Variants in COPA observed in about 807,000 individuals in gnomAD.
COPA encodes coat protein complex I subunit alpha.
Under a neutral mutation model 158.7 loss-of-function variants are expected in COPA, and 10 were observed. The ratio of observed to expected loss-of-function variants is 0.06; its 90% CI spans 0.04 to 0.11. The LOEUF (loss-of-function observed/expected upper bound fraction) is 0.11, where lower values mean the gene tolerates loss of function less well. Ranked by LOEUF, COPA falls within the 10% of genes least tolerant of loss-of-function variation. COPA has a pLI of 1.00. For synonymous variants in COPA, 462 were observed against 542.8 expected (o/e 0.85, Z 2.07); for missense variants, 1,065 against 1,536.7 (o/e 0.69, Z 5.13).
chr1:160,336,210 G>A (rs1183807971), intron 3 of COPA, among the ~76,000 whole-genome samples: 1 of 151,924 alleles, frequency 6.6e-6, no homozygotes, highest in African/African-American at 2.4e-5. Flanking sequence ...TTAGCCGGAT[G>A]TGATCCCAGC....
chr1:160,297,457 A>C lies in COPA; in HGVS notation c.2168-19T>G. On this transcript the variant is annotated intron_variant, in intron 20 of 32. Coordinates refer to ENST00000241704, the MANE Select transcript of COPA (RefSeq NM_004371.4). ...ATCTCAGCTGCACCAAGTAAGAGAC[A>C]CCAAGTTAGGTCTTTTCTCTTAAGT... 1 of 1,613,722 alleles carries C rather than the reference A, an allele frequency of 6.2e-7. No homozygotes were observed.
chr1:160,317,764 C>A (rs1160452646), intron 8 of COPA: 2 of 1,126,934 alleles, frequency 1.8e-6, no homozygotes, highest in South Asian at 2.5e-5. Context: ...AAAAATAGTT[C>A]TTTTGTAATG....
At chr1:160,304,859 C>G (rs1018463859) in intron 17 of COPA, among the ~76,000 whole-genome samples, 1 of 152,090 alleles carries the variant, frequency 6.6e-6, no homozygotes, top group Non-Finnish European at 1.5e-5. Flanking sequence ...AAGAGTAGAA[C>G]TGACAAACTG....
intron 3 of COPA, among the ~76,000 whole-genome samples, chr1:160,338,561 A>C (rs1647893103): frequency 1.3e-5 from 2 of 152,182 alleles, no homozygotes; most frequent in South Asian, 2.1e-4. Context: ...ATAGGTTGCT[A>C]GTCTCTGGCT....
rs375123687 is a variant in COPA at position 160,302,273 on chromosome 1, ATAT to A, written c.1668-3012_1668-3010del. ...ATTAGAAAATTAAAATTTTAAATAG[ATAT>A]TATCCATTTACAAACAGAATTTTAA... On this transcript the variant is annotated intron_variant, in intron 17 of 32. Coordinates refer to ENST00000241704, the MANE Select transcript of COPA (RefSeq NM_004371.4). Among the ~76,000 whole-genome samples the A allele has an allele frequency of 4.7e-3, 712 of 152,288 alleles. 8 individuals are homozygous for A. The highest frequency in any genetic ancestry group is 0.016 in the African/African-American group (675 of 41,562).
In COPA at chr1:160,289,097, G is replaced by A. The variant is rs1658132043; in HGVS notation, c.*1060C>T. On this transcript the variant is annotated 3_prime_UTR_variant, in exon 33 of 33. Transcript: ENST00000241704. ...GCAATCCTCTGCCTCAGCCTCCAGAGTAGCTGGGATTACAGGCACCCACCA... is the reference window on the plus strand; with the variant it reads ...GCAATCCTCTGCCTCAGCCTCCAGAATAGCTGGGATTACAGGCACCCACCA... 6.6e-6 allele frequency among the ~76,000 whole-genome samples: 1 copy of A among 150,710 alleles called. No individual in the cohort carries two copies. Among genetic ancestry groups the A allele is most frequent in the Non-Finnish European group, 1.5e-5 (1 of 67,846 alleles).
intron 23 of COPA, 71 bp from the exon 24 acceptor site, chr1:160,294,928 C>G: frequency 1.5e-6 from 2 of 1,298,594 alleles, no homozygotes; most frequent in Admixed American, 2.0e-5. Context: ...TTTCTGTAGG[C>G]AGGTTAAATC....
chr1:160,324,084 A>C (rs1021968380), intron 7 of COPA, among the ~76,000 whole-genome samples: 1 of 151,898 alleles, frequency 6.6e-6, no homozygotes, highest in Non-Finnish European at 1.5e-5. Flanking sequence ...GCTGGTCTTG[A>C]ACTCCCGGCC....
At chr1:160,337,825 A>C (rs1247290822) in intron 3 of COPA, among the ~76,000 whole-genome samples, 1 of 151,764 alleles carries the variant, frequency 6.6e-6, no homozygotes, top group Admixed American at 6.6e-5. Context: ...CTTTGTTTTA[A>C]TAACAGCTTT....
intron 8 of COPA, 67 bp downstream of exon 8, chr1:160,323,364 C>T (rs952888841): frequency 2.3e-5 from 30 of 1,326,726 alleles, no homozygotes; most frequent in Non-Finnish European, 2.8e-5. Flanking sequence ...GTCCAGAAGA[C>T]CTGGCTACTT....
At chr1:160,329,575 G>C (rs1647407163) in intron 6 of COPA, among the ~76,000 whole-genome samples, 1 of 151,764 alleles carries the variant, frequency 6.6e-6, no homozygotes, top group African/African-American at 2.4e-5. Flanking sequence ...CAGGGAACAT[G>C]CAAGGCTGGC....
Position 160,305,541 on chromosome 1 carries a change from G to A in COPA, c.1559C>T (p.Ala520Val). 2 of 1,614,160 alleles carry A rather than the reference G, an allele frequency of 1.2e-6. No individual in the cohort carries two copies. Among genetic ancestry groups the A allele is most frequent in the Non-Finnish European group, 1.7e-6 (2 of 1,180,034 alleles). ...AATGTTCTCATGAATGTTACATAAA[G>A]CATCCAGTTTGCGGTTACAGATCAC... ...AIVICNRKLD[A>V]LCNIHENIRV... The change falls in exon 17 of 33, where the codon GCT (alanine) becomes GTT (valine). Residue 520 changes from alanine (A) to valine (V), a missense_variant. By Grantham distance (64) the Ala-to-Val change is moderately conservative (BLOSUM62 0). Transcript: ENST00000241704.
chr1:160,313,043 C>G, intron 10 of COPA, 42 bp downstream of exon 10: 1 of 1,557,750 alleles, frequency 6.4e-7, no homozygotes, highest in East Asian at 2.2e-5. Context: ...GACTTATAAA[C>G]TTTGAATTAA....
intron 17 of COPA, 191 bp downstream of exon 17, chr1:160,305,242 C>T (rs780430838): frequency 1.7e-5 from 9 of 524,332 alleles, no homozygotes; most frequent in Non-Finnish European, 2.7e-5. Context: ...ATGTAATTGT[C>T]TATATTTGTT....
intron 8 of COPA, among the ~76,000 whole-genome samples, chr1:160,318,468 T>TAA (rs71090307): frequency 0.01 from 156 of 15,594 alleles, 10 homozygotes; most frequent in Non-Finnish European, 0.015. Context: ...ACAATATTTG[T>TAA]AAAAAAAAAA....
intron 5 of COPA, among the ~76,000 whole-genome samples, chr1:160,333,193 G>A (rs12130366): frequency 0.43 from 65,173 of 152,098 alleles, 14,921 homozygotes; most frequent in South Asian, 0.61. Context: ...CAAAGTGCTG[G>A]GATTACAGGC....
intron 3 of COPA, among the ~76,000 whole-genome samples, chr1:160,338,301 T>C (rs1647871207): frequency 6.6e-6 from 1 of 152,202 alleles, no homozygotes; most frequent in African/African-American, 2.4e-5. Context: ...CAGGATGTGG[T>C]GCCTAAAAAC....
chr1:160,340,088 A>G, intron 2 of COPA, 93 bp downstream of exon 2: 1 of 1,490,634 alleles, frequency 6.7e-7, no homozygotes, highest in Non-Finnish European at 9.3e-7. Context: ...ACATTCTTTA[A>G]TCATAGAGGA....
chr1:160,322,790 A>C (rs1469159424), intron 8 of COPA, among the ~76,000 whole-genome samples: 6 of 152,200 alleles, frequency 3.9e-5, no homozygotes, highest in Non-Finnish European at 5.9e-5. Flanking sequence ...GAGGTTCCTC[A>C]AAAAACTAAA....
Sources: gnomAD v4.1 joint callset for allele counts (sites outside exome capture counted in the v4.1 genomes callset) on GRCh38, gnomAD v4.1.1 for gene constraint, MANE v1.5 for transcripts, NCBI Gene and HGNC (gene_info 2026-07-23, HGNC 2026-07-21) for gene names.